FBRSL1: variants seen among roughly 807,000 people sequenced by gnomAD.
FBRSL1 encodes fibrosin-1-like protein.
Under a neutral mutation model 89.6 loss-of-function variants are expected in FBRSL1, and 51 were observed. The observed-to-expected ratio is 0.57, with a 90% CI of 0.45 to 0.72. The LOEUF (loss-of-function observed/expected upper bound fraction) is 0.72, where lower values mean the gene tolerates loss of function less well. FBRSL1 is among the 30% of genes least tolerant of loss of function. The probability of loss-of-function intolerance (pLI) is 0.00; values close to 1 mark genes in which losing one functional copy is unlikely to be tolerated. For synonymous variants in FBRSL1, 779 were observed against 681.1 expected (o/e 1.14, Z -2.24); for missense variants, 1,618 against 1,451.8 (o/e 1.11, Z -1.86).
chr12:132,497,547 A>G (rs746281838), intron 1 of FBRSL1, among the ~76,000 whole-genome samples: 2 of 151,842 alleles, frequency 1.3e-5, no homozygotes, highest in Non-Finnish European at 2.9e-5. Flanking sequence ...CCCTACCCAG[A>G]TGGCACCAGG....
chr12:132,512,771 C>T (rs1188776135), intron 2 of FBRSL1, among the ~76,000 whole-genome samples: 2 of 152,168 alleles, frequency 1.3e-5, no homozygotes, highest in African/African-American at 4.8e-5. Flanking sequence ...ATGGGGAAGG[C>T]CAGGCTGCCA....
Position 132,508,232 on chromosome 12 carries a change from C to G in FBRSL1, c.371C>G (p.Thr124Ser). 6.4e-7 allele frequency: 1 copy of G among 1,550,972 alleles called. No homozygotes were observed. The highest frequency in any genetic ancestry group is 8.7e-7 in the Non-Finnish European group (1 of 1,146,908). ...RLIKKPRESETCPPAEPSENR... is the reference protein window; with the variant it reads ...RLIKKPRESESCPPAEPSENR... ...ATCAAGAAGCCCCGGGAGTCGGAAA[C>G]CTGCCCCCCTGCGGAGCCCAGTGAG... The change falls in exon 2 of 19, where the codon ACC (threonine) becomes AGC (serine). Residue 124 changes from threonine to serine, a missense_variant. Transcript: ENST00000680143.
intron 1 of FBRSL1, among the ~76,000 whole-genome samples, chr12:132,497,304 C>T (rs1008001451): frequency 2.0e-5 from 3 of 152,138 alleles, no homozygotes; most frequent in Admixed American, 6.5e-5. Flanking sequence ...GGGACCACCT[C>T]GCTAGGAGTG....
At chr12:132,496,534 G>T (rs1253884696) in intron 1 of FBRSL1, among the ~76,000 whole-genome samples, 1 of 152,216 alleles carries the variant, frequency 6.6e-6, no homozygotes, top group Non-Finnish European at 1.5e-5. Context: ...GTACTTTGTT[G>T]GATTCCCTCC....
chr12:132,574,591 C>T (rs1442695302), intron 14 of FBRSL1, 27 bp downstream of exon 14: 20 of 1,543,250 alleles, frequency 1.3e-5, no homozygotes, highest in Admixed American at 4.0e-5. Context: ...TGGGGCAGGG[C>T]GCTTGTGAAC....
intron 5 of FBRSL1, among the ~76,000 whole-genome samples, chr12:132,561,398 C>T (rs1566204993): frequency 6.6e-6 from 1 of 152,184 alleles, no homozygotes; most frequent in South Asian, 2.1e-4. Context: ...GGACGTGGAG[C>T]GGAACCCACT....
intron 11 of FBRSL1, among the ~76,000 whole-genome samples, 158 bp downstream of exon 11, chr12:132,572,780 G>A (rs1331032909): frequency 1.3e-5 from 2 of 152,208 alleles, no homozygotes; most frequent in African/African-American, 4.8e-5. Context: ...CCCCTGCCAG[G>A]ATGGGGGGCC....
chr12:132,509,576 C>T (rs865803882), intron 2 of FBRSL1: 1 of 1,232,280 alleles, frequency 8.1e-7, no homozygotes, highest in Non-Finnish European at 1.0e-6. Flanking sequence ...CCCCGTGTCA[C>T]CACTGCCGGC....
chr12:132,556,980 A>G (rs889876537), intron 5 of FBRSL1, among the ~76,000 whole-genome samples: 3 of 152,154 alleles, frequency 2.0e-5, no homozygotes, highest in African/African-American at 7.2e-5. Flanking sequence ...TCCTGGCCCC[A>G]GCGCTCGGCT....
At chr12:132,545,633 T>C (rs2037627940) in intron 4 of FBRSL1, among the ~76,000 whole-genome samples, 1 of 152,178 alleles carries the variant, frequency 6.6e-6, no homozygotes, top group Non-Finnish European at 1.5e-5. Flanking sequence ...AGGTCCGGGC[T>C]TGTGGGAGCT....
chr12:132,517,674 C>T (rs915712275), intron 2 of FBRSL1, among the ~76,000 whole-genome samples: 1 of 152,116 alleles, frequency 6.6e-6, no homozygotes, highest in Non-Finnish European at 1.5e-5. Flanking sequence ...CCACCCAGGC[C>T]TCTGGTGGCG....
intron 2 of FBRSL1, among the ~76,000 whole-genome samples, chr12:132,513,761 G>A (rs563178206): frequency 1.0e-3 from 158 of 152,298 alleles, no homozygotes; most frequent in Non-Finnish European, 1.8e-3. Flanking sequence ...GAAGATGGGT[G>A]ACACTGAGAC....
In FBRSL1 at chr12:132,574,082, C is replaced by G; in HGVS notation, c.1531-8C>G. 1 of 1,293,918 alleles carries G rather than the reference C, an allele frequency of 7.7e-7. No homozygotes were observed. Among genetic ancestry groups the G allele is most frequent in the Non-Finnish European group, 9.8e-7 (1 of 1,021,924 alleles). 80.2% of individuals were successfully genotyped at this position (1,293,918 alleles called of 1,614,324 possible). On this transcript the variant is annotated splice_polypyrimidine_tract_variant and splice_region_variant and intron_variant, in intron 11 of 18. Coordinates refer to ENST00000680143, the MANE Select transcript of FBRSL1 (RefSeq NM_001367871.1). ...AGGCGCACACAAGCTGTCTCTTTCT[C>G]CCCTCAGACTTCAAGCCCCATTGAG...
chr12:132,511,990 C>G (rs1197668402), intron 2 of FBRSL1: 3 of 985,506 alleles, frequency 3.0e-6, no homozygotes, highest in Non-Finnish European at 3.6e-6. Flanking sequence ...GAGCATGTGT[C>G]TTACGTGATT....
rs151217347 is a variant in FBRSL1 at position 132,505,805 on chromosome 12, A to G, written c.292-2348A>G. Among the ~76,000 whole-genome samples, 1,285 of 152,342 alleles carry G rather than the reference A, an allele frequency of 8.4e-3. 11 individuals are homozygous for G. The highest frequency in any genetic ancestry group is 0.012 in the South Asian group (60 of 4,826). ...TACCCTGGAAAGCCCCGGAGTGACC[A>G]GCAGAGGGGCCAGCCGCACGGCTCT... is the stretch of plus-strand genomic sequence containing the variant. On this transcript the variant is annotated intron_variant, in intron 1 of 18. Coordinates refer to ENST00000680143, the MANE Select transcript of FBRSL1 (RefSeq NM_001367871.1).
chr12:132,491,929 G>A (rs937079668), intron 1 of FBRSL1, among the ~76,000 whole-genome samples: 2 of 152,224 alleles, frequency 1.3e-5, no homozygotes, highest in African/African-American at 2.4e-5. Context: ...GGCCCAGGAC[G>A]GGGTGGGTGG....
chr12:132,545,591 C>T (rs781550506), intron 4 of FBRSL1, among the ~76,000 whole-genome samples: 13 of 152,214 alleles, frequency 8.5e-5, no homozygotes, highest in East Asian at 3.9e-4. Context: ...GGTCCAGCCA[C>T]AGACCTGAAA....
chr12:132,534,356 C>T (rs1048029559), intron 4 of FBRSL1, among the ~76,000 whole-genome samples: 1 of 152,260 alleles, frequency 6.6e-6, no homozygotes, highest in African/African-American at 2.4e-5. Context: ...ACTCCTCCAC[C>T]TGTGGTATTT....
intron 5 of FBRSL1, 139 bp from the exon 6 acceptor site, chr12:132,567,342 T>C: frequency 1.3e-6 from 1 of 758,496 alleles, no homozygotes; most frequent in Middle Eastern, 3.0e-4. Context: ...GTTCACCTCG[T>C]ACACGGGGGC....
Sources: allele counts gnomAD v4.1 joint callset (sites outside exome capture counted in the v4.1 genomes callset), GRCh38; gene constraint gnomAD v4.1.1; transcripts MANE v1.5; gene names NCBI Gene and HGNC (gene_info 2026-07-23, HGNC 2026-07-21).